CD36: variants seen among roughly 807,000 people sequenced by gnomAD.
CD36 encodes the protein platelet glycoprotein 4.
Under a neutral mutation model 55.2 loss-of-function variants are expected in CD36, and 119 were observed. The observed-to-expected ratio is 2.15, with a 90% CI of 1.86 to 2.51. The LOEUF (loss-of-function observed/expected upper bound fraction) is 2.51. CD36 is among the 30% of genes most tolerant of loss of function. CD36 has a pLI of 0.00. For synonymous variants in CD36, 186 were observed against 193.6 expected (o/e 0.96, Z 0.33); for missense variants, 819 against 555.5 (o/e 1.47, Z -4.77).
At chr7:80,671,235 A>T in intron 10 of CD36, 71 bp downstream of exon 10, 1 of 1,046,036 alleles carries the variant, frequency 9.6e-7, no homozygotes, top group South Asian at 1.4e-5. Flanking sequence ...GAACTTTACC[A>T]TAATCCTTTA....
chr7:80,674,540 A>G (rs1247637040), intron 14 of CD36: 1 of 231,660 alleles, frequency 4.3e-6, no homozygotes, highest in African/African-American at 2.4e-5. Flanking sequence ...CTGGCCGTGC[A>G]TTTTCCAAAT....
chr7:80,664,852 T>A (rs1386471219), intron 7 of CD36, among the ~76,000 whole-genome samples: 4 of 144,166 alleles, frequency 2.8e-5, no homozygotes, highest in East Asian at 2.0e-4. Flanking sequence ...AATGAAAAGG[T>A]AAAAAAAAAA....
chr7:80,672,717 G>A lies in CD36; in HGVS notation c.1126-53G>A, dbSNP rs571573278. On this transcript the variant is annotated intron_variant, in intron 11 of 14. Transcript: ENST00000447544. ...CTGTAAGAAAAATAAGTTTTGAATA[G>A]TATAAAATAATGTTTTTAAAAGTTG... is the stretch of plus-strand genomic sequence containing the variant. 2.5e-5 allele frequency: 31 copies of A among 1,240,096 alleles called. No individual in the cohort carries two copies. The East Asian group carries it at 5.6e-4, about 22-fold the overall frequency. 76.8% of individuals were successfully genotyped at this position (1,240,096 alleles called of 1,614,324 possible).
chr7:80,622,135 T>C (rs972021303), intron 1 of CD36, among the ~76,000 whole-genome samples: 3 of 152,286 alleles, frequency 2.0e-5, no homozygotes, highest in African/African-American at 7.2e-5. Context: ...CACCTTCAGG[T>C]GGGGGGACCA....
chr7:80,660,369 A>C (rs2116641648), intron 4 of CD36, among the ~76,000 whole-genome samples: 1 of 152,262 alleles, frequency 6.6e-6, no homozygotes, highest in East Asian at 1.9e-4. Context: ...TCTTATCTCT[A>C]ATTCTCATTA....
At chr7:80,617,577 AT>A (rs1029891817) in intron 1 of CD36, among the ~76,000 whole-genome samples, 1 of 151,956 alleles carries the variant, frequency 6.6e-6, no homozygotes, top group Non-Finnish European at 1.5e-5. Context: ...AAATAAATAA[AT>A]TAGCCGGGCA....
At chr7:80,670,532 A>T (rs1355109516) in intron 9 of CD36, 1 of 218,500 alleles carries the variant, frequency 4.6e-6, no homozygotes, top group Non-Finnish European at 9.2e-6. Flanking sequence ...GGATAAGAAA[A>T]ATATGTGTAT....
rs778170886 is a variant in CD36, at chr7:80,646,783, A to G, written c.43A>G (p.Ile15Val). The G allele has an allele frequency of 6.2e-7, 1 of 1,614,032 alleles. No individual in the cohort carries two copies. The highest frequency in any genetic ancestry group is 2.2e-5 in the East Asian group (1 of 44,866). Residue 15 changes from isoleucine (I) to valine (V), a missense_variant, in exon 3 of 15, where the codon ATT becomes GTT. Transcript: ENST00000447544. Reference sequence around the variant, plus strand: ...CTGTGGGCTCATCGCTGGGGCTGTCATTGGTGCTGTCCTGGCTGTGTTTGG... The same window carrying G: ...CTGTGGGCTCATCGCTGGGGCTGTCGTTGGTGCTGTCCTGGCTGTGTTTGG... ...RNCGLIAGAVIGAVLAVFGGI... is the reference protein window; with the variant it reads ...RNCGLIAGAVVGAVLAVFGGI...
intron 1 of CD36, among the ~76,000 whole-genome samples, chr7:80,605,776 G>C (rs1792511262): frequency 6.6e-6 from 1 of 152,094 alleles, no homozygotes; most frequent in South Asian, 2.1e-4. Flanking sequence ...TTGGTCTCCT[G>C]GGAAGACCTT....
At chr7:80,643,039 G>C (rs1368693024) in intron 1 of CD36, among the ~76,000 whole-genome samples, 1 of 152,242 alleles carries the variant, frequency 6.6e-6, no homozygotes, top group Admixed American at 6.5e-5. Flanking sequence ...ACATATCTAG[G>C]CTCAGAGTCC....
At chr7:80,660,086 C>T (rs3211885) in intron 4 of CD36, among the ~76,000 whole-genome samples, 64,069 of 151,910 alleles carry the variant, frequency 0.42, 13,836 homozygotes, top group South Asian at 0.68. Context: ...AGTCCAATTG[C>T]TTAAGTCTTT....
rs755888738 is a variant in CD36, at chr7:80,666,490, G to A, written c.748+1G>A. The A allele has an allele frequency of 3.7e-6, 6 of 1,605,012 alleles. No individual in the cohort carries two copies. The highest frequency in any genetic ancestry group is 2.2e-5 in the East Asian group (1 of 44,782). Reference sequence around the variant, plus strand: ...CACTGCGACATGATTAATGGTACAGGTAAGAATATTTGTTTTGTGGTCATC... The same window carrying A: ...CACTGCGACATGATTAATGGTACAGATAAGAATATTTGTTTTGTGGTCATC... On this transcript the variant is annotated splice_donor_variant, in intron 8 of 14. Coordinates refer to ENST00000447544, the MANE Select transcript of CD36 (RefSeq NM_001001548.3). LOFTEE classifies it high-confidence loss of function.
In CD36 at chr7:80,672,043, A is replaced by G. The variant is rs768825934; in HGVS notation, c.1125+3A>G. 6.2e-7 allele frequency: 1 copy of G among 1,601,286 alleles called. No homozygotes were observed. ...GGACATACTTGGATATTGAACCTGT[A>G]AGAAAACACCTTATTGATCTGATTT... On this transcript the variant is annotated splice_donor_region_variant and intron_variant, in intron 11 of 14. Transcript: ENST00000447544.
In CD36 at chr7:80,673,350, TACAGAGTATTAA is replaced by T. The variant is rs749654516; in HGVS notation, c.1200-3_1208del. On this transcript the variant is annotated splice_acceptor_variant and splice_polypyrimidine_tract_variant and coding_sequence_variant and intron_variant, in exon 13 of 15. Transcript: ENST00000447544. LOFTEE classifies it high-confidence loss of function. ...GTTCATAATTATTTTCAACGTATAT[TACAGAGTATTAA>T]AGAATCTGAAGAGGAACTATATTGT... The T allele has an allele frequency of 2.2e-6, 3 of 1,340,528 alleles. No homozygotes were observed. The highest frequency in any genetic ancestry group is 3.2e-6 in the Non-Finnish European group (3 of 934,786). 83.0% of individuals were successfully genotyped at this position (1,340,528 alleles called of 1,614,324 possible).
At chr7:80,636,578 G>A (rs1338960164), upstream of CD36, among the ~76,000 whole-genome samples, 5 of 149,658 alleles carry the variant, frequency 3.3e-5, no homozygotes, top group Non-Finnish European at 5.9e-5. Flanking sequence ...TAAACTGACT[G>A]AAGTAGATTG....
intron 13 of CD36, 35 bp downstream of exon 13, chr7:80,673,444 C>A (rs1325504103): frequency 4.0e-6 from 5 of 1,244,236 alleles, no homozygotes; most frequent in South Asian, 2.4e-5. Context: ...TTAAAAACAA[C>A]CTTCTTTGTA....
rs1338432834 is a variant in CD36 at position 80,666,473 on chromosome 7, C to T, written c.732C>T (p.Asp244=). The change falls in exon 8 of 15, where the codon GAC becomes GAT. Residue 244 remains aspartate, a synonymous_variant. Transcript: ENST00000447544. ...TGTCCTATTGGGAAAGTCACTGCGA[C>T]ATGATTAATGGTACAGGTAAGAATA... ...RNLSYWESHC[D]MINGTDAASF... The T allele has an allele frequency of 6.8e-6, 11 of 1,607,862 alleles. No homozygotes were observed. In the South Asian group the frequency reaches 8.8e-5, roughly 13 times the overall value.
At chr7:80,608,148 T>C (rs542185029) in intron 1 of CD36, among the ~76,000 whole-genome samples, 1 of 152,216 alleles carries the variant, frequency 6.6e-6, no homozygotes, top group African/African-American at 2.4e-5. Context: ...TTTACTAGGC[T>C]TGAATTTATC....
At chr7:80,616,765 G>T (rs970880233) in intron 1 of CD36, among the ~76,000 whole-genome samples, 1 of 152,006 alleles carries the variant, frequency 6.6e-6, no homozygotes, top group Non-Finnish European at 1.5e-5. Flanking sequence ...AATTCATAGG[G>T]CTCTAGGTTG....
Sources: allele counts gnomAD v4.1 joint callset (sites outside exome capture counted in the v4.1 genomes callset), GRCh38; gene constraint gnomAD v4.1.1; transcripts MANE v1.5; gene names NCBI Gene and HGNC (gene_info 2026-07-23, HGNC 2026-07-21).